Variants in COL23A1 observed in about 807,000 individuals in gnomAD.
COL23A1 encodes the protein collagen type XXIII alpha 1 chain.
Under a neutral mutation model 99.3 loss-of-function variants are expected in COL23A1, and 97 were observed. That is an observed-to-expected ratio of 0.98 (90% CI 0.83 to 1.16). The LOEUF is 1.16. COL23A1 is among the 50% of genes most tolerant of loss of function. The pLI is 0.00. For missense variants in COL23A1, 762 were observed against 757.4 expected (o/e 1.01, Z -0.07); for synonymous variants, 320 against 308.2 (o/e 1.04, Z -0.40).
intron 2 of COL23A1, among the ~76,000 whole-genome samples, chr5:178,368,821 T>G (rs1031088799): frequency 1.3e-5 from 2 of 152,268 alleles, no homozygotes; most frequent in African/African-American, 4.8e-5. Context: ...TTATTGTTCC[T>G]GGGCTATAAG....
In COL23A1 at chr5:178,542,884, T is replaced by C. The variant is rs562871238; in HGVS notation, c.361+17798A>G. On this transcript the variant is annotated intron_variant, in intron 2 of 28. Coordinates refer to ENST00000390654, the MANE Select transcript of COL23A1 (RefSeq NM_173465.4). ...AAAACAATTTTTAAAAGTGTGTTTA[T>C]ACCATGCATTATTTTATTTCTGTAA... Among the ~76,000 whole-genome samples, 13 of 152,364 alleles carry C rather than the reference T, an allele frequency of 8.5e-5. 1 individual carries two copies. In the South Asian group the frequency reaches 2.7e-3, roughly 32 times the overall value.
intron 1 of COL23A1, among the ~76,000 whole-genome samples, chr5:178,563,182 G>A (rs1468179792): frequency 6.6e-6 from 1 of 152,128 alleles, no homozygotes; most frequent in Non-Finnish European, 1.5e-5. Flanking sequence ...ATCGGAACCT[G>A]GCTAGGCCTC....
chr5:178,301,038 C>CTCTT (rs55786912), intron 3 of COL23A1, among the ~76,000 whole-genome samples: 129,231 of 151,788 alleles, frequency 0.85, 55,795 homozygotes, highest in African/African-American at 0.94. Context: ...TTCTTTCTCT[C>CTCTT]CTCTGCTTCT....
intron 2 of COL23A1, among the ~76,000 whole-genome samples, chr5:178,437,899 T>C (rs1485707692): frequency 6.6e-6 from 1 of 152,166 alleles, no homozygotes; most frequent in Non-Finnish European, 1.5e-5. Flanking sequence ...GGGGTCAGCC[T>C]CGGCTGGGCT....
intron 5 of COL23A1, among the ~76,000 whole-genome samples, chr5:178,271,982 G>A (rs1756314909): frequency 6.6e-6 from 1 of 152,184 alleles, no homozygotes; most frequent in Non-Finnish European, 1.5e-5. Flanking sequence ...TGCCTCTCTG[G>A]GCTTCCGCTG....
intron 2 of COL23A1, among the ~76,000 whole-genome samples, chr5:178,510,379 T>C (rs976960860): frequency 6.6e-6 from 1 of 152,088 alleles, no homozygotes; most frequent in Non-Finnish European, 1.5e-5. Context: ...CTGTCTCTAC[T>C]AAAAATACAA....
chr5:178,519,132 C>T (rs989851750), intron 2 of COL23A1, among the ~76,000 whole-genome samples: 2 of 152,220 alleles, frequency 1.3e-5, no homozygotes, highest in Non-Finnish European at 2.9e-5. Context: ...GCCTTCTCAA[C>T]AGCAGTTCTT....
At position 178,468,102 on chromosome 5, in the gene COL23A1, T is replaced by C. The variant is rs1756522769; in HGVS notation, c.361+92580A>G. ...TTCCTTATGTTGGGAGTGGTTTCCA[T>C]AGCTGGAAAAGATGGTGAGAAATCT... On this transcript the variant is annotated intron_variant, in intron 2 of 28. Transcript: ENST00000390654. The surrounding 1 kb of genome is among the most constrained non-coding windows in gnomAD (Gnocchi z 4.2). Among the ~76,000 whole-genome samples, 1 of 152,090 alleles carries C rather than the reference T, an allele frequency of 6.6e-6. No homozygotes were observed. The highest frequency in any genetic ancestry group is 2.4e-5 in the African/African-American group (1 of 41,420).
chr5:178,329,893 C>T (rs903781885), intron 2 of COL23A1, among the ~76,000 whole-genome samples: 2 of 150,840 alleles, frequency 1.3e-5, no homozygotes, highest in South Asian at 2.1e-4. Context: ...GCCGAGATTG[C>T]GCCACTGCAC....
intron 2 of COL23A1, among the ~76,000 whole-genome samples, chr5:178,524,519 T>G (rs974124984): frequency 6.6e-6 from 1 of 152,068 alleles, no homozygotes; most frequent in Non-Finnish European, 1.5e-5. Context: ...GGGGGATGGA[T>G]GTATCCAGAA....
intron 2 of COL23A1, among the ~76,000 whole-genome samples, chr5:178,451,816 T>TTA (rs2127867886): frequency 6.6e-6 from 1 of 152,204 alleles, no homozygotes; most frequent in East Asian, 1.9e-4. Context: ...AATTTAAGAC[T>TTA]TATAATATCT....
chr5:178,350,116 C>G (rs988727688), intron 2 of COL23A1, among the ~76,000 whole-genome samples: 5 of 152,238 alleles, frequency 3.3e-5, no homozygotes, highest in Non-Finnish European at 7.3e-5. Flanking sequence ...CATGCTCTTC[C>G]CCTGCCTACA....
intron 2 of COL23A1, among the ~76,000 whole-genome samples, chr5:178,394,039 A>T (rs1167609178): frequency 6.6e-6 from 1 of 152,144 alleles, no homozygotes; most frequent in Non-Finnish European, 1.5e-5. Flanking sequence ...CCTTGGTCCC[A>T]AGGAAGCAGG....
intron 22 of COL23A1, among the ~76,000 whole-genome samples, chr5:178,246,977 G>A (rs953880409): frequency 1.3e-5 from 2 of 152,210 alleles, no homozygotes; most frequent in Non-Finnish European, 1.5e-5. Flanking sequence ...ATTTGCTCAC[G>A]CCAGGAGGGT....
intron 2 of COL23A1, among the ~76,000 whole-genome samples, chr5:178,533,401 C>T (rs1760759597): frequency 6.6e-6 from 1 of 152,224 alleles, no homozygotes; most frequent in South Asian, 2.1e-4. Flanking sequence ...ACTACTCTAA[C>T]TGCTTCATGA....
chr5:178,247,322 A>G (rs1234882646), intron 22 of COL23A1, among the ~76,000 whole-genome samples: 1 of 151,920 alleles, frequency 6.6e-6, no homozygotes, highest in African/African-American at 2.4e-5. Flanking sequence ...GGGAGAGGAG[A>G]GCCTCAAGGG....
intron 2 of COL23A1, among the ~76,000 whole-genome samples, chr5:178,480,129 G>A (rs1480720223): frequency 1.3e-5 from 2 of 151,392 alleles, no homozygotes; most frequent in Non-Finnish European, 2.9e-5. Flanking sequence ...ACTCTGTGGT[G>A]CATGATTGTA....
At position 178,518,094 on chromosome 5, in the gene COL23A1, G is replaced by A. The variant is rs1759661523; in HGVS notation, c.361+42588C>T. 8.6e-5 allele frequency among the ~76,000 whole-genome samples: 11 copies of A among 127,384 alleles called. 1 individual carries two copies. Among genetic ancestry groups the A allele is most frequent in the Admixed American group, 8.3e-4 (11 of 13,188 alleles). 83.6% of individuals were successfully genotyped at this position (127,384 alleles called of 152,430 possible). On this transcript the variant is annotated intron_variant, in intron 2 of 28. Transcript: ENST00000390654. ...TTACTTGAGATTAGGGATTGGTGAT[G>A]ACTCTTAAGGAGCATGCTGCCTTCA...
intron 2 of COL23A1, among the ~76,000 whole-genome samples, chr5:178,375,474 C>T (rs74504302): frequency 6.6e-6 from 1 of 152,216 alleles, no homozygotes; most frequent in African/African-American, 2.4e-5. Context: ...CTCTCGGAAC[C>T]CTGCAATGAC....
Sources: allele counts gnomAD v4.1 joint callset (sites outside exome capture counted in the v4.1 genomes callset), GRCh38; gene constraint gnomAD v4.1.1; non-coding constraint Gnocchi (gnomAD v3.1); transcripts MANE v1.5; gene names NCBI Gene and HGNC (gene_info 2026-07-23, HGNC 2026-07-21).